Variants in PRKCB observed in about 807,000 individuals in gnomAD.
The protein encoded by PRKCB is protein kinase C beta, also known as protein kinase C beta type.
In PRKCB, 13 loss-of-function variants were observed where a neutral mutation model predicts 81.5. The observed-to-expected ratio is 0.16, with a 90% confidence interval of 0.10 to 0.25. The LOEUF is 0.25. Among genes scored for constraint, PRKCB ranks in the 10% least tolerant of loss-of-function variants. The pLI, the probability that PRKCB is intolerant of heterozygous loss-of-function variation, is 1.00. For synonymous variants in PRKCB, 335 were observed against 321.4 expected, an observed-to-expected ratio of 1.04 and a Z score of -0.45; for missense variants, 509 against 875.7, an observed-to-expected ratio of 0.58 and a Z score of 5.29.
chr16:24,036,562 T>C (rs1255413625), intron 5 of PRKCB, among the ~76,000 whole-genome samples: 1 of 152,162 alleles, frequency 6.6e-6, no homozygotes, highest in East Asian at 1.9e-4. Context: ...GTAGCTCTGA[T>C]GCATTGAGCC....
chr16:24,004,999 A>C (rs548427086), intron 3 of PRKCB, among the ~76,000 whole-genome samples: 1 of 152,306 alleles, frequency 6.6e-6, no homozygotes, highest in Admixed American at 6.5e-5. Flanking sequence ...TTACAGTCAT[A>C]TGGTGGAATG....
chr16:23,975,297 G>A (rs1364763389), intron 2 of PRKCB, among the ~76,000 whole-genome samples: 2 of 152,116 alleles, frequency 1.3e-5, no homozygotes, highest in Middle Eastern at 3.2e-3. Flanking sequence ...GGGCTTCAAG[G>A]TAGCCCAGAG....
At chr16:24,083,452 T>C (rs1966275338) in intron 5 of PRKCB, among the ~76,000 whole-genome samples, 1 of 152,202 alleles carries the variant, frequency 6.6e-6, no homozygotes, top group African/African-American at 2.4e-5. Context: ...AACAGTTGAA[T>C]AGATAAACCT....
chr16:24,011,410 C>A (rs1312612970), intron 3 of PRKCB, among the ~76,000 whole-genome samples: 2 of 152,186 alleles, frequency 1.3e-5, no homozygotes, highest in Admixed American at 1.3e-4. Flanking sequence ...GGTTTGTGGC[C>A]TTGCAAGTTA....
At chr16:23,857,612 T>C (rs907993817) in intron 2 of PRKCB, among the ~76,000 whole-genome samples, 4 of 152,072 alleles carry the variant, frequency 2.6e-5, no homozygotes, top group African/African-American at 4.8e-5. Flanking sequence ...CCAAGGGCCA[T>C]AGGGGGGCCA....
chr16:23,951,693 C>T (rs1011362632), intron 2 of PRKCB, among the ~76,000 whole-genome samples: 5 of 149,576 alleles, frequency 3.3e-5, no homozygotes, highest in African/African-American at 4.9e-5. Flanking sequence ...GCTGAGATTA[C>T]AGGCATGAGC....
chr16:24,073,715 T>C (rs112697906), intron 5 of PRKCB, among the ~76,000 whole-genome samples: 2 of 152,178 alleles, frequency 1.3e-5, no homozygotes, highest in African/African-American at 4.8e-5. Context: ...CGATAAACGA[T>C]GTGCTGACTT....
At chr16:24,049,047 G>GTTTTTTTTTTTTTTTTTT (rs1160842975) in intron 5 of PRKCB, among the ~76,000 whole-genome samples, 2 of 49,656 alleles carry the variant, frequency 4.0e-5, no homozygotes, top group Non-Finnish European at 7.0e-5. Context: ...AAATTGGCCT[G>GTTTTTTTTTTTTTTTTTT]TTTTTTTTTT....
intron 2 of PRKCB, 40 bp downstream of exon 2, chr16:23,837,446 G>T (rs750951281): frequency 1.3e-6 from 2 of 1,592,730 alleles, no homozygotes; most frequent in Non-Finnish European, 8.5e-7. Context: ...TGTGGGAAGA[G>T]AGGGTGAAAA....
chr16:23,927,822 A>G (rs1963917465), intron 2 of PRKCB, among the ~76,000 whole-genome samples: 2 of 151,996 alleles, frequency 1.3e-5, no homozygotes, highest in South Asian at 4.1e-4. Context: ...GAGGAGGAAC[A>G]TGTTTTGAGG....
At chr16:24,112,002 T>C (rs1966681725) in intron 7 of PRKCB, among the ~76,000 whole-genome samples, 1 of 152,184 alleles carries the variant, frequency 6.6e-6, no homozygotes, top group African/African-American at 2.4e-5. Flanking sequence ...CCAGCCTGTC[T>C]AAGGTTATGA....
At chr16:24,028,644 T>C (rs969963513) in intron 3 of PRKCB, among the ~76,000 whole-genome samples, 13 of 152,396 alleles carry the variant, frequency 8.5e-5, no homozygotes, top group Non-Finnish European at 1.8e-4. Flanking sequence ...TGCTGCTGCA[T>C]GTGTCAATAG....
At chr16:23,858,649 G>A (rs1234080564) in intron 2 of PRKCB, among the ~76,000 whole-genome samples, 1 of 152,092 alleles carries the variant, frequency 6.6e-6, no homozygotes, top group Non-Finnish European at 1.5e-5. Flanking sequence ...ACTTTCATTG[G>A]CCACGTGATC....
intron 5 of PRKCB, among the ~76,000 whole-genome samples, chr16:24,083,273 G>A (rs1232206422): frequency 2.6e-5 from 4 of 152,170 alleles, no homozygotes; most frequent in African/African-American, 7.2e-5. Context: ...CAGCTGCTCC[G>A]GGAAAGTGTG....
intron 5 of PRKCB, among the ~76,000 whole-genome samples, chr16:24,040,390 A>G (rs1389283000): frequency 6.6e-6 from 1 of 151,932 alleles, no homozygotes; most frequent in Admixed American, 6.6e-5. Context: ...CTCTTTTTCT[A>G]GCAATTAACT....
chr16:23,992,325 G>A (rs1964896643), intron 3 of PRKCB, among the ~76,000 whole-genome samples: 1 of 152,134 alleles, frequency 6.6e-6, no homozygotes, highest in Non-Finnish European at 1.5e-5. Flanking sequence ...ATTGGTTTCG[G>A]GGATTTGGTA....
intron 2 of PRKCB, among the ~76,000 whole-genome samples, 186 bp downstream of exon 2, chr16:23,837,592 G>A (rs572900659): frequency 6.6e-6 from 1 of 152,154 alleles, no homozygotes; most frequent in African/African-American, 2.4e-5. Flanking sequence ...GGCCGATGGC[G>A]CTTGGGAGTC....
At chr16:23,872,044 G>T (rs1261071462) in intron 2 of PRKCB, among the ~76,000 whole-genome samples, 6 of 152,158 alleles carry the variant, frequency 3.9e-5, no homozygotes, top group Admixed American at 3.9e-4. Context: ...ACACATAATT[G>T]TCAAGAACAT....
At chr16:23,873,169 AACACAC>A (rs1298241902) in intron 2 of PRKCB, among the ~76,000 whole-genome samples, 8 of 108,462 alleles carry the variant, frequency 7.4e-5, no homozygotes, top group African/African-American at 7.7e-5. Flanking sequence ...CTCTACTAAA[AACACAC>A]ACACACACAC....
Sources: gnomAD v4.1 joint callset for allele counts (sites outside exome capture counted in the v4.1 genomes callset) on GRCh38, gnomAD v4.1.1 for gene constraint, MANE v1.5 for transcripts, NCBI Gene and HGNC (gene_info 2026-07-23, HGNC 2026-07-21) for gene names.